The following ABLIM1 variants were observed in gnomAD, a reference collection of about 807,000 sequenced individuals.
ABLIM1 encodes actin binding LIM protein 1.
In ABLIM1, 40 loss-of-function variants were observed where a neutral mutation model predicts 107.0. The observed-to-expected ratio is 0.37, with a 90% CI of 0.29 to 0.49. The LOEUF (loss-of-function observed/expected upper bound fraction) is 0.49, where lower values mean the gene tolerates loss of function less well. Among genes scored for constraint, ABLIM1 ranks in the 20% least tolerant of loss-of-function variants. ABLIM1 has a pLI of 0.97. For missense variants in ABLIM1, 857 were observed against 1,008.5 expected, an observed-to-expected ratio of 0.85 and a Z score of 2.04; for synonymous variants, 357 against 357.3, an observed-to-expected ratio of 1.00 and a Z score of 0.01.
intron 8 of ABLIM1, among the ~76,000 whole-genome samples, chr10:114,475,922 A>ACCGG (rs1481514045): frequency 6.6e-6 from 1 of 151,960 alleles, no homozygotes. Flanking sequence ...TAGGAATAAG[A>ACCGG]CCTTGCCTTC....
intron 1 of ABLIM1, among the ~76,000 whole-genome samples, chr10:114,691,488 C>T (rs763037921): frequency 3.9e-5 from 6 of 152,156 alleles, no homozygotes; most frequent in Non-Finnish European, 7.3e-5. Context: ...CCCTCCCAGT[C>T]TGCTATGTTA....
chr10:114,515,418 A>G (rs1487401657), intron 6 of ABLIM1, among the ~76,000 whole-genome samples: 1 of 152,160 alleles, frequency 6.6e-6, no homozygotes, highest in African/African-American at 2.4e-5. Flanking sequence ...CCTTTCCACC[A>G]TGGTTGAGAA....
chr10:114,561,692 A>C (rs2069726314), intron 4 of ABLIM1, among the ~76,000 whole-genome samples: 1 of 152,220 alleles, frequency 6.6e-6, no homozygotes, highest in Non-Finnish European at 1.5e-5. Context: ...CTGGGAAATG[A>C]CTGCTGTTCC....
intron 1 of ABLIM1, among the ~76,000 whole-genome samples, chr10:114,705,342 G>GTACT (rs1244565711): frequency 7.9e-5 from 12 of 152,148 alleles, no homozygotes; most frequent in Non-Finnish European, 1.3e-4. Context: ...ACCCATAATA[G>GTACT]TTGCTGGGCA....
At chr10:114,501,518 C>T (rs972453667) in intron 6 of ABLIM1, among the ~76,000 whole-genome samples, 2 of 152,174 alleles carry the variant, frequency 1.3e-5, no homozygotes, top group African/African-American at 4.8e-5. Flanking sequence ...AGGCTAACGA[C>T]TAGATCATGT....
chr10:114,729,732 C>G (rs1312752881), intron 1 of ABLIM1, among the ~76,000 whole-genome samples: 1 of 152,084 alleles, frequency 6.6e-6, no homozygotes, highest in Non-Finnish European at 1.5e-5. Context: ...AGGCAAAACT[C>G]CTTTCTAATG....
At chr10:114,469,078 C>T (rs1470286979) in intron 10 of ABLIM1, among the ~76,000 whole-genome samples, 1 of 145,598 alleles carries the variant, frequency 6.9e-6, no homozygotes, top group Non-Finnish European at 1.5e-5. Flanking sequence ...AAAAAAGAAC[C>T]ATGACTAGAT....
intron 22 of ABLIM1, among the ~76,000 whole-genome samples, chr10:114,437,081 A>G (rs1004049628): frequency 6.6e-6 from 1 of 152,210 alleles, no homozygotes. Flanking sequence ...CAGCCAAGAA[A>G]GAAACTTGTC....
At chr10:114,705,325 A>G (rs114495351) in intron 1 of ABLIM1, among the ~76,000 whole-genome samples, 1 of 152,184 alleles carries the variant, frequency 6.6e-6, no homozygotes, top group African/African-American at 2.4e-5. Flanking sequence ...TGAGGTTAGG[A>G]TACAAAACCC....
chr10:114,526,830 A>C, intron 6 of ABLIM1: 1 of 985,336 alleles, frequency 1.0e-6, no homozygotes, highest in Admixed American at 6.1e-5. Flanking sequence ...TTCTCTCCGA[A>C]GCTCGGCTAA....
At chr10:114,666,553 G>T (rs565224798) in intron 1 of ABLIM1, among the ~76,000 whole-genome samples, 1 of 152,288 alleles carries the variant, frequency 6.6e-6, no homozygotes, top group South Asian at 2.1e-4. Context: ...TAAATCTGTA[G>T]GCTCTGGAAG....
intron 12 of ABLIM1, among the ~76,000 whole-genome samples, chr10:114,461,393 GTTTT>G (rs11297952): frequency 0.023 from 3,262 of 140,758 alleles, 99 homozygotes; most frequent in African/African-American, 0.067. Context: ...CAACTGAAGG[GTTTT>G]TTTTTTTTTT....
intron 12 of ABLIM1, among the ~76,000 whole-genome samples, chr10:114,454,371 A>T (rs575956726): frequency 6.6e-6 from 1 of 152,330 alleles, no homozygotes; most frequent in South Asian, 2.1e-4. Context: ...CAATTCTTCA[A>T]GCTAGGTTTG....
chr10:114,618,681 G>A (rs2077280509), intron 1 of ABLIM1, among the ~76,000 whole-genome samples: 1 of 152,214 alleles, frequency 6.6e-6, no homozygotes, highest in Non-Finnish European at 1.5e-5. Context: ...CACAGGCCCT[G>A]TCAACAAGGT....
chr10:114,742,719 A>G (rs181820273), intron 1 of ABLIM1, among the ~76,000 whole-genome samples: 99 of 152,310 alleles, frequency 6.5e-4, no homozygotes, highest in African/African-American at 2.3e-3. Context: ...ACTTGAATCC[A>G]GAAGTTTGAG....
At chr10:114,796,105 C>T in the ABLIM1 span, among the ~76,000 whole-genome samples, 3 of 152,160 alleles carry the variant, frequency 2.0e-5, no homozygotes, top group Non-Finnish European at 4.4e-5. Context: ...ATGTTGGCCA[C>T]TAACTAGCTT....
chr10:114,573,972 A>G (rs1003209938), intron 3 of ABLIM1, among the ~76,000 whole-genome samples: 3 of 152,228 alleles, frequency 2.0e-5, no homozygotes, highest in African/African-American at 7.2e-5. Flanking sequence ...CAGAATTATT[A>G]AATTATGATT....
chr10:114,692,254 A>G (rs1049272745), intron 1 of ABLIM1, among the ~76,000 whole-genome samples: 2 of 152,262 alleles, frequency 1.3e-5, no homozygotes, highest in Admixed American at 1.3e-4. Context: ...CAAGCATTTT[A>G]TTGATGGTCT....
At chr10:114,673,765 C>T (rs1041083733) in intron 1 of ABLIM1, among the ~76,000 whole-genome samples, 1 of 152,282 alleles carries the variant, frequency 6.6e-6, no homozygotes, top group East Asian at 1.9e-4. Context: ...TGAGGAGGGA[C>T]CATATTTATT....
Sources: gnomAD v4.1 joint callset for allele counts (sites outside exome capture counted in the v4.1 genomes callset) on GRCh38, gnomAD v4.1.1 for gene constraint, MANE v1.5 for transcripts, NCBI Gene and HGNC (gene_info 2026-07-23, HGNC 2026-07-21) for gene names.